The following EXOC4 variants were observed in gnomAD, a reference collection of about 807,000 sequenced individuals.
The protein encoded by EXOC4 is exocyst complex component 4.
Under a neutral mutation model 107.2 loss-of-function variants are expected in EXOC4, and 71 were observed. The ratio of observed to expected loss-of-function variants is 0.66; its 90% CI spans 0.55 to 0.81. The LOEUF is 0.81. Ranked by LOEUF, EXOC4 falls within the 30% of genes least tolerant of loss-of-function variation. EXOC4 has a pLI of 0.00. For missense variants in EXOC4, 1,108 were observed against 1,189.6 expected (o/e 0.93, Z 1.01); for synonymous variants, 456 against 441.2 (o/e 1.03, Z -0.42).
intron 3 of EXOC4, among the ~76,000 whole-genome samples, chr7:133,294,433 C>G (rs1794474356): frequency 6.6e-6 from 1 of 152,108 alleles, no homozygotes; most frequent in Non-Finnish European, 1.5e-5. Flanking sequence ...TTTTGAAGCA[C>G]TTTAGCTGAC....
chr7:133,640,535 C>T (rs935851644), intron 10 of EXOC4, among the ~76,000 whole-genome samples: 8 of 152,134 alleles, frequency 5.3e-5, no homozygotes, highest in Admixed American at 2.0e-4. Context: ...CTTTTGATTT[C>T]TTATCTTGTG....
intron 10 of EXOC4, among the ~76,000 whole-genome samples, chr7:133,694,337 C>G (rs1430412442): frequency 6.6e-6 from 1 of 151,762 alleles, no homozygotes; most frequent in Non-Finnish European, 1.5e-5. Flanking sequence ...ATGTTGGGCC[C>G]TGAAATCTGC....
At chr7:133,283,306 C>T (rs1794200875) in intron 2 of EXOC4, among the ~76,000 whole-genome samples, 1 of 152,154 alleles carries the variant, frequency 6.6e-6, no homozygotes, top group South Asian at 2.1e-4. Flanking sequence ...AACCCCTGGG[C>T]TCAAGTGATC....
intron 10 of EXOC4, among the ~76,000 whole-genome samples, chr7:133,722,923 T>C (rs1795134424): frequency 6.6e-6 from 1 of 152,252 alleles, no homozygotes. Context: ...GTGCATTTAT[T>C]AAACTACTCT....
At chr7:133,927,598 T>A (rs1800081112) in intron 13 of EXOC4, among the ~76,000 whole-genome samples, 1 of 152,232 alleles carries the variant, frequency 6.6e-6, no homozygotes, top group Admixed American at 6.5e-5. Context: ...ATATTTATGT[T>A]CATAAATTGG....
At chr7:133,699,593 T>G (rs1794611945) in intron 10 of EXOC4, among the ~76,000 whole-genome samples, 1 of 152,196 alleles carries the variant, frequency 6.6e-6, no homozygotes, top group Non-Finnish European at 1.5e-5. Flanking sequence ...GTGGCCTTTA[T>G]GTAATGTTGT....
chr7:133,361,745 T>C (rs777694627), intron 6 of EXOC4, among the ~76,000 whole-genome samples: 27 of 152,192 alleles, frequency 1.8e-4, no homozygotes, highest in Non-Finnish European at 2.9e-5. Context: ...CTTCTTTTCG[T>C]TTGTATAAAA....
intron 7 of EXOC4, among the ~76,000 whole-genome samples, chr7:133,441,240 A>G (rs1362836913): frequency 2.0e-5 from 3 of 152,198 alleles, no homozygotes; most frequent in African/African-American, 7.2e-5. Context: ...AGTACCAGAA[A>G]GAGAGTTAGG....
intron 10 of EXOC4, among the ~76,000 whole-genome samples, chr7:133,661,072 G>C (rs1399159804): frequency 2.0e-5 from 3 of 151,974 alleles, no homozygotes; most frequent in African/African-American, 7.3e-5. Context: ...CGCTTGCCAG[G>C]GTACCCCACA....
At chr7:133,913,293 C>A (rs1191474589) in intron 12 of EXOC4, among the ~76,000 whole-genome samples, 1 of 152,112 alleles carries the variant, frequency 6.6e-6, no homozygotes, top group Non-Finnish European at 1.5e-5. Flanking sequence ...TTGGTCTTAC[C>A]TGGAATTAGA....
the EXOC4 span, among the ~76,000 whole-genome samples, chr7:134,085,264 A>G: frequency 1.3e-5 from 2 of 152,244 alleles, no homozygotes; most frequent in Admixed American, 1.3e-4. Context: ...GGAGACTTCC[A>G]GAATGGTGAA....
chr7:133,761,941 A>C (rs964088246), intron 10 of EXOC4, among the ~76,000 whole-genome samples: 4 of 152,274 alleles, frequency 2.6e-5, no homozygotes, highest in Admixed American at 2.6e-4. Flanking sequence ...GCCAAGAAGA[A>C]ATGAGAAGAT....
intron 2 of EXOC4, among the ~76,000 whole-genome samples, chr7:133,287,619 A>G (rs780162064): frequency 3.6e-4 from 55 of 152,104 alleles, no homozygotes; most frequent in Non-Finnish European, 6.2e-4. Flanking sequence ...GGCCTACTAT[A>G]CTTATTAAGA....
At chr7:133,553,807 G>C (rs1475552252) in intron 9 of EXOC4, among the ~76,000 whole-genome samples, 1 of 152,106 alleles carries the variant, frequency 6.6e-6, no homozygotes, top group Non-Finnish European at 1.5e-5. Context: ...TTATTTTGCT[G>C]TTGGAGAATT....
intron 7 of EXOC4, among the ~76,000 whole-genome samples, chr7:133,446,242 A>T (rs1798216968): frequency 6.6e-6 from 1 of 152,072 alleles, no homozygotes. Flanking sequence ...CTTTATTTCC[A>T]CAGCCTAATT....
chr7:134,039,834 C>T (rs190177731), intron 17 of EXOC4, among the ~76,000 whole-genome samples: 6 of 152,288 alleles, frequency 3.9e-5, no homozygotes, highest in Non-Finnish European at 7.4e-5. Flanking sequence ...TCTTTTTCCT[C>T]ATCTGTATCT....
intron 3 of EXOC4, among the ~76,000 whole-genome samples, chr7:133,295,674 A>G (rs1403767952): frequency 1.3e-5 from 2 of 152,170 alleles, no homozygotes; most frequent in Non-Finnish European, 2.9e-5. Flanking sequence ...TATTTGTGTC[A>G]GTAAAGCTGT....
At chr7:133,831,387 TCTC>T (rs1369195328) in intron 11 of EXOC4, among the ~76,000 whole-genome samples, 1 of 152,176 alleles carries the variant, frequency 6.6e-6, no homozygotes, top group African/African-American at 2.4e-5. Context: ...AGCTGGCTGT[TCTC>T]CTTCATTTTT....
At chr7:133,811,013 A>G (rs1797215725) in intron 10 of EXOC4, among the ~76,000 whole-genome samples, 1 of 152,116 alleles carries the variant, frequency 6.6e-6, no homozygotes, top group African/African-American at 2.4e-5. Flanking sequence ...CTCCTACTTT[A>G]CAACCTTAAG....
Sources: gnomAD v4.1 joint callset for allele counts (sites outside exome capture counted in the v4.1 genomes callset) on GRCh38, gnomAD v4.1.1 for gene constraint, MANE v1.5 for transcripts, NCBI Gene and HGNC (gene_info 2026-07-23, HGNC 2026-07-21) for gene names.